Variants in NBPF26 observed in about 807,000 individuals in gnomAD.
NBPF26 encodes the protein NBPF family member NBPF26.
NBPF26 carries 79 observed loss-of-function variants against 119.6 expected under a neutral mutation model. The ratio of observed to expected loss-of-function variants is 0.66; its 90% CI spans 0.55 to 0.80. NBPF26 has a LOEUF of 0.80. Among genes scored for constraint, NBPF26 ranks in the 30% least tolerant of loss-of-function variants. The probability of loss-of-function intolerance (pLI) is 0.00; values close to 1 mark genes in which losing one functional copy is unlikely to be tolerated. For synonymous variants in NBPF26, 299 were observed against 457.7 expected, an observed-to-expected ratio of 0.65 and a Z score of 4.43; for missense variants, 800 against 1,198.2, an observed-to-expected ratio of 0.67 and a Z score of 4.91.
intron 2 of NBPF26, among the ~76,000 whole-genome samples, chr1:120,769,614 C>G (rs1307290194): frequency 8.2e-6 from 1 of 121,862 alleles, no homozygotes; most frequent in African/African-American, 4.2e-5. Flanking sequence ...ATAGAGTAAT[C>G]TTTTCTTAAA....
chr1:120,806,002 A>C lies in NBPF26; in HGVS notation c.961+237A>C, dbSNP rs1651673412. Among the ~76,000 whole-genome samples, 20 of 109,634 alleles carry C rather than the reference A, an allele frequency of 1.8e-4. 2 individuals are homozygous for C. The allele number at this position is 109,634 out of a possible 152,430, so 71.9% of individuals were successfully genotyped here. A position where few individuals can be genotyped will look rare whatever the true frequency, so the allele number is the denominator to read the frequency against. On this transcript the variant is annotated intron_variant, in intron 5 of 29. Transcript: ENST00000620612. ...ACTAGAGTTAAACTCACAGTTATTG[A>C]TTTCTAACACAGGCACAGAATGACC...
intron 1 of NBPF26, among the ~76,000 whole-genome samples, chr1:120,760,179 G>GTT (rs1651119216): frequency 3.6e-5 from 1 of 27,866 alleles, no homozygotes; most frequent in Non-Finnish European, 6.1e-5. Flanking sequence ...ATCTACCACA[G>GTT]CTTTTTTTTT....
intron 14 of NBPF26, 96 bp downstream of exon 14, chr1:120,816,923 A>T: frequency 8.1e-7 from 1 of 1,232,374 alleles, no homozygotes; most frequent in Non-Finnish European, 1.1e-6. Flanking sequence ...ATTTGAATAA[A>T]AAACTGTGAT....
intron 1 of NBPF26, 30 bp from the exon 2 acceptor site, chr1:120,763,598 C>T: frequency 9.8e-7 from 1 of 1,016,848 alleles, no homozygotes; most frequent in Non-Finnish European, 1.4e-6. Context: ...TAGTGACTTA[C>T]TTCTAATGTG....
At chr1:120,768,205 T>G (rs2101420013) in intron 2 of NBPF26, among the ~76,000 whole-genome samples, 1 of 114,640 alleles carries the variant, frequency 8.7e-6, no homozygotes, top group Non-Finnish European at 1.7e-5. Context: ...GATAGGGCTC[T>G]TATTCCCAAG....
intron 9 of NBPF26, among the ~76,000 whole-genome samples, chr1:120,811,463 T>A (rs1456477515): frequency 8.9e-6 from 1 of 112,214 alleles, no homozygotes; most frequent in Non-Finnish European, 1.7e-5. Flanking sequence ...GAGAATCACT[T>A]GAACCCGGGC....
Position 120,806,963 on chromosome 1 carries a change from A to G in NBPF26, c.962-644A>G, listed in dbSNP as rs2101493635. Among the ~76,000 whole-genome samples, 2 of 122,030 alleles carry G rather than the reference A, an allele frequency of 1.6e-5. 1 individual carries two copies. The highest frequency in any genetic ancestry group is 4.8e-4 in the South Asian group (2 of 4,172). 80.1% of individuals were successfully genotyped at this position (122,030 alleles called of 152,430 possible). A position where few individuals can be genotyped will look rare whatever the true frequency, so the allele number is the denominator to read the frequency against. ...CTATTCTTCATTCTGATGTTTCTAA[A>G]TTAACACTAACTAAGCTTATGCTGT... On this transcript the variant is annotated intron_variant, in intron 5 of 29. Transcript: ENST00000620612.
chr1:120,840,685 C>T (rs1193321764), downstream of NBPF26: 172 of 1,381,360 alleles, frequency 1.2e-4, 37 homozygotes, highest in Non-Finnish European at 1.5e-4. Context: ...CATTTGGAAG[C>T]CCAGACATAG....
intron 10 of NBPF26, among the ~76,000 whole-genome samples, chr1:120,812,514 C>G (rs1252901479): frequency 4.1e-5 from 2 of 48,262 alleles, no homozygotes; most frequent in Non-Finnish European, 7.2e-5. Flanking sequence ...AGGCAAAGCT[C>G]TGTTCTAGTG....
intron 1 of NBPF26, among the ~76,000 whole-genome samples, chr1:120,728,539 C>T (rs1318401833): frequency 8.6e-6 from 1 of 116,922 alleles, no homozygotes; most frequent in Admixed American, 8.2e-5. Context: ...CACTGCCATC[C>T]ACCCCCTGCC....
exon 14 of NBPF26, chr1:120,816,753 A>C: frequency 7.2e-7 from 1 of 1,392,328 alleles, no homozygotes; most frequent in Middle Eastern, 2.4e-4. Context: ...ACATTTGAGG[A>C]AGACAAAGTC....
Position 120,768,604 on chromosome 1 carries a change from C to T in NBPF26, c.155+4895C>T, listed in dbSNP as rs1443161797. On this transcript the variant is annotated intron_variant, in intron 2 of 29. Transcript: ENST00000620612. ...CTGCATGAACTGGGGTGTACCTTCA[C>T]GATAAAAAAAAAAAACAAAACTGTA... Among the ~76,000 whole-genome samples, 31 of 107,782 alleles carry T rather than the reference C, an allele frequency of 2.9e-4. 5 individuals are homozygous for T. Among genetic ancestry groups the T allele is most frequent in the Non-Finnish European group, 3.8e-4 (22 of 58,492 alleles). 70.7% of individuals were successfully genotyped at this position (107,782 alleles called of 152,430 possible).
intron 3 of NBPF26, among the ~76,000 whole-genome samples, chr1:120,792,470 TAGGG>T (rs1651502322): frequency 1.0e-5 from 1 of 99,634 alleles, no homozygotes; most frequent in African/African-American, 6.4e-5. Flanking sequence ...GTTGCCAAGA[TAGGG>T]AGAGTTCACT....
intron 16 of NBPF26, 141 bp from the exon 17 acceptor site, chr1:120,823,168 C>T (rs1652160160): frequency 1.7e-6 from 1 of 579,458 alleles, no homozygotes; most frequent in East Asian, 2.6e-5. Context: ...GACCTCAGGC[C>T]TACTGGAATA....
chr1:120,810,646 A>G lies in NBPF26; in HGVS notation c.1564+88A>G, dbSNP rs1226631622. 7 of 1,318,086 alleles carry G rather than the reference A, an allele frequency of 5.3e-6. No homozygotes were observed. The East Asian group carries it at 1.4e-4, about 27-fold the overall frequency. The allele number at this position is 1,318,086 out of a possible 1,614,324, so 81.6% of individuals were successfully genotyped here. A position where few individuals can be genotyped will look rare whatever the true frequency, so the allele number is the denominator to read the frequency against. On this transcript the variant is annotated intron_variant, in intron 9 of 29. Transcript: ENST00000620612. ...ACAGGCTGTATATACACATATTGTT[A>G]TTGTTTTAGTCAGAAACTGGGATGG...
chr1:120,823,760 G>GTGTGTGTGTA lies in NBPF26; in HGVS notation c.2640-205_2640-204insATGTGTGTGT, dbSNP rs1298285535. On this transcript the variant is annotated intron_variant, in intron 17 of 29. Coordinates refer to ENST00000620612, the Ensembl canonical transcript of NBPF26. ...AATTCACTGAGCTCGCTCTGTGTGT[G>GTGTGTGTGTA]TGTGTGTGTGTGTGTGTGTGTGTGT... 2.9e-5 allele frequency among the ~76,000 whole-genome samples: 3 copies of GTGTGTGTGTA among 104,772 alleles called. 1 individual carries two copies. The highest frequency in any genetic ancestry group is 5.4e-5 in the Non-Finnish European group (3 of 55,048). The allele number at this position is 104,772 out of a possible 152,430, so 68.7% of individuals were successfully genotyped here. A position where few individuals can be genotyped will look rare whatever the true frequency, so the allele number is the denominator to read the frequency against.
intron 9 of NBPF26, among the ~76,000 whole-genome samples, chr1:120,811,141 A>G (rs1651854001): frequency 9.4e-6 from 1 of 106,458 alleles, no homozygotes; most frequent in African/African-American, 5.7e-5. Flanking sequence ...CCAGCTACTC[A>G]GGAGGCTGAG....
chr1:120,796,014 T>C, intron 4 of NBPF26, among the ~76,000 whole-genome samples: 1 of 28,444 alleles, frequency 3.5e-5, no homozygotes, highest in African/African-American at 2.0e-4. Context: ...CAGGGTCCCA[T>C]AATCTAAACC....
At position 120,822,319 on chromosome 1, in the gene NBPF26, AC is replaced by A. The variant is rs1168348223; in HGVS notation, c.2587+56del. 45 of 779,106 alleles carry A rather than the reference AC, an allele frequency of 5.8e-5. 19 individuals are homozygous for A. The Admixed American group carries it at 1.3e-3, about 23-fold the overall frequency. The allele number at this position is 779,106 out of a possible 1,614,324, so 48.3% of individuals were successfully genotyped here. A position where few individuals can be genotyped will look rare whatever the true frequency, so the allele number is the denominator to read the frequency against. ...AAGCTCCAGTTCATGGCCCAGGTAGACCCCATAATCTTTGGGCCTTGTGCCC... is the reference window on the plus strand; with the variant it reads ...AAGCTCCAGTTCATGGCCCAGGTAGACCCATAATCTTTGGGCCTTGTGCCC... On this transcript the variant is annotated intron_variant, in intron 16 of 29. Transcript: ENST00000620612.
Sources: allele counts gnomAD v4.1 joint callset (sites outside exome capture counted in the v4.1 genomes callset), GRCh38; gene constraint gnomAD v4.1.1; transcripts MANE v1.5; gene names NCBI Gene and HGNC (gene_info 2026-07-23, HGNC 2026-07-21).